Variants in PHLDB2 observed in about 807,000 individuals in gnomAD.
PHLDB2 encodes the protein pleckstrin homology like domain family B member 2.
Under a neutral mutation model 123.6 loss-of-function variants are expected in PHLDB2, and 71 were observed. The observed-to-expected ratio is 0.57, with a 90% CI of 0.47 to 0.70. The LOEUF is 0.70. Ranked by LOEUF, PHLDB2 falls within the 30% of genes least tolerant of loss-of-function variation. The pLI is 0.00. For missense variants in PHLDB2, 1,446 were observed against 1,519.5 expected (o/e 0.95, Z 0.80); for synonymous variants, 547 against 541.6 (o/e 1.01, Z -0.14).
At chr3:111,878,692 T>C (rs1283011) in intron 1 of PHLDB2, among the ~76,000 whole-genome samples, 126,716 of 152,132 alleles carry the variant, frequency 0.83, 52,977 homozygotes, top group East Asian at 1. Context: ...GTGGGTTTGT[T>C]ATAAATAGCT....
chr3:111,923,293 A>G (rs1490051292), intron 5 of PHLDB2, among the ~76,000 whole-genome samples: 1 of 152,170 alleles, frequency 6.6e-6, no homozygotes, highest in African/African-American at 2.4e-5. Context: ...AGCATTCAGT[A>G]CAGGGGACAG....
chr3:111,919,949 A>AGAAG (rs1332551298), intron 4 of PHLDB2, among the ~76,000 whole-genome samples: 1 of 151,716 alleles, frequency 6.6e-6, no homozygotes, highest in African/African-American at 2.4e-5. Flanking sequence ...GGACAAAGAA[A>AGAAG]GACGTGGCTG....
At chr3:111,973,921 G>A (rs2072383919) in intron 17 of PHLDB2, 104 bp downstream of exon 17, 2 of 665,326 alleles carry the variant, frequency 3.0e-6, no homozygotes, top group Non-Finnish European at 5.3e-6. Context: ...TGATGTAACA[G>A]ATAGATATGA....
At chr3:111,960,227 G>T in intron 12 of PHLDB2, 5 of 579,954 alleles carry the variant, frequency 8.6e-6, no homozygotes, top group Middle Eastern at 8.9e-4. Context: ...AAAAAAAGAC[G>T]CAGCTTCACG....
At chr3:111,769,616 G>A (rs1424256469) in intron 1 of PHLDB2, among the ~76,000 whole-genome samples, 3 of 152,242 alleles carry the variant, frequency 2.0e-5, no homozygotes, top group African/African-American at 4.8e-5. Context: ...AGGGAAGAGT[G>A]ATGTTAGGGA....
chr3:111,859,377 C>T lies in PHLDB2; in HGVS notation c.-214C>T, dbSNP rs1490732257. Reference sequence around the variant, plus strand: ...AACAGCAAACTGCCTGGGAGCGGGGCAGGTCACCAACTTCGTTGCTCGAAC... The same window carrying T: ...AACAGCAAACTGCCTGGGAGCGGGGTAGGTCACCAACTTCGTTGCTCGAAC... On this transcript the variant is annotated 5_prime_UTR_variant, in exon 1 of 18. Transcript: ENST00000431670. The T allele has an allele frequency of 6.1e-6, 6 of 985,562 alleles. No homozygotes were observed. Among genetic ancestry groups the T allele is most frequent in the Middle Eastern group, 5.2e-4 (1 of 1,936 alleles). The allele number at this position is 985,562 out of a possible 1,614,324, so 61.1% of individuals were successfully genotyped here. A position where few individuals can be genotyped will look rare whatever the true frequency, so the allele number is the denominator to read the frequency against.
chr3:111,849,597 G>A (rs2064161766), intron 2 of PHLDB2, among the ~76,000 whole-genome samples: 1 of 152,176 alleles, frequency 6.6e-6, no homozygotes, highest in South Asian at 2.1e-4. Flanking sequence ...CATTTGAACA[G>A]CACAGCAAGT....
At chr3:111,962,388 G>A in intron 13 of PHLDB2, 76 bp downstream of exon 13, 1 of 1,455,634 alleles carries the variant, frequency 6.9e-7, no homozygotes, top group Non-Finnish European at 9.3e-7. Context: ...CCATCAATTT[G>A]GGAACTGTAT....
intron 1 of PHLDB2, among the ~76,000 whole-genome samples, chr3:111,745,933 C>T (rs552425356): frequency 7.9e-5 from 12 of 152,226 alleles, no homozygotes; most frequent in African/African-American, 2.6e-4. Flanking sequence ...CACCTGAGTA[C>T]CTCCAAACCT....
At chr3:111,821,364 G>A (rs2062371723) in intron 1 of PHLDB2, among the ~76,000 whole-genome samples, 1 of 152,190 alleles carries the variant, frequency 6.6e-6, no homozygotes, top group African/African-American at 2.4e-5. Flanking sequence ...AGAGACAGAA[G>A]TGGGAGAGAC....
At chr3:111,761,842 C>T (rs2060000770) in intron 1 of PHLDB2, among the ~76,000 whole-genome samples, 1 of 152,128 alleles carries the variant, frequency 6.6e-6, no homozygotes, top group Admixed American at 6.5e-5. Context: ...GTTTATTTAC[C>T]TGGAAAACCA....
intron 1 of PHLDB2, among the ~76,000 whole-genome samples, chr3:111,751,168 G>T (rs1490853452): frequency 3.5e-5 from 5 of 144,122 alleles, no homozygotes; most frequent in Admixed American, 6.9e-5. Flanking sequence ...GAGACAATGG[G>T]GTGTGTGTGT....
chr3:111,920,478 T>C lies in PHLDB2; in HGVS notation c.2001+59T>C, dbSNP rs767407439. 5.7e-6 allele frequency: 9 copies of C among 1,573,354 alleles called. No individual in the cohort carries two copies. In the South Asian group the frequency reaches 9.5e-5, roughly 17 times the overall value. The stretch of plus-strand genomic sequence containing the variant: ...TGGGCAAAGTGGTGGTCCCAGTTGA[T>C]TGAATTTAAATGTTGAATGCATTAC... On this transcript the variant is annotated intron_variant, in intron 5 of 17. Coordinates refer to ENST00000431670, the MANE Select transcript of PHLDB2 (RefSeq NM_001134438.2).
chr3:111,822,317 G>GTGTGTGTGTGTGTGTGTGTGTGTGTGTA (rs1553734228), intron 1 of PHLDB2, among the ~76,000 whole-genome samples: 11 of 147,916 alleles, frequency 7.4e-5, no homozygotes, highest in African/African-American at 2.8e-4. Context: ...GTGTGTGTGT[G>GTGTGTGTGTGTGTGTGTGTGTGTGTGTA]TATATATATA....
At chr3:111,811,601 C>T (rs1345970137) in intron 1 of PHLDB2, among the ~76,000 whole-genome samples, 1 of 152,126 alleles carries the variant, frequency 6.6e-6, no homozygotes, top group African/African-American at 2.4e-5. Flanking sequence ...TATTTACTGG[C>T]ACCCTATTGA....
chr3:111,859,760 A>G (rs2064709895), intron 1 of PHLDB2, 184 bp downstream of exon 1: 1 of 984,300 alleles, frequency 1.0e-6, no homozygotes. Flanking sequence ...CTGACTGCTC[A>G]CCGCGAGTCA....
intron 1 of PHLDB2, among the ~76,000 whole-genome samples, chr3:111,742,253 C>T (rs1489008303): frequency 6.6e-6 from 1 of 152,114 alleles, no homozygotes; most frequent in South Asian, 2.1e-4. Context: ...CCCACTTCCC[C>T]CAGGCCAAAG....
chr3:111,813,883 T>C (rs2061954895), intron 1 of PHLDB2, among the ~76,000 whole-genome samples: 1 of 152,238 alleles, frequency 6.6e-6, no homozygotes, highest in Non-Finnish European at 1.5e-5. Context: ...AAAGAAGGCC[T>C]GTTTCAAACA....
intron 12 of PHLDB2, among the ~76,000 whole-genome samples, chr3:111,955,610 C>T (rs755472661): frequency 1.8e-4 from 27 of 152,074 alleles, no homozygotes; most frequent in Non-Finnish European, 3.5e-4. Context: ...TGCTACCACA[C>T]CTGGCTGATT....
Sources: allele counts gnomAD v4.1 joint callset (sites outside exome capture counted in the v4.1 genomes callset), GRCh38; gene constraint gnomAD v4.1.1; transcripts MANE v1.5; gene names NCBI Gene and HGNC (gene_info 2026-07-23, HGNC 2026-07-21).